Variants in NLRP8 observed in about 807,000 individuals in gnomAD.
NLRP8 encodes the protein NLR family pyrin domain containing 8, also known as NACHT, LRR and PYD domains-containing protein 8.
In NLRP8, 86 loss-of-function variants were observed where a neutral mutation model predicts 88.7. The ratio of observed to expected loss-of-function variants is 0.97; its 90% CI spans 0.81 to 1.16. The LOEUF is 1.16. Ranked by LOEUF, NLRP8 falls within the 50% of genes most tolerant of loss-of-function variation. The pLI, the probability that NLRP8 is intolerant of heterozygous loss-of-function variation, is 0.00. For synonymous variants in NLRP8, 504 were observed against 494.6 expected, an observed-to-expected ratio of 1.02 and a Z score of -0.25; for missense variants, 1,342 against 1,286.5, an observed-to-expected ratio of 1.04 and a Z score of -0.66.
intron 2 of NLRP8, among the ~76,000 whole-genome samples, chr19:55,954,242 C>G (rs943667450): frequency 2.0e-5 from 3 of 152,194 alleles, no homozygotes; most frequent in Admixed American, 6.5e-5. Flanking sequence ...CGCCACTGAA[C>G]CTAATTTCAA....
chr19:55,961,282 G>T (rs774688089), intron 3 of NLRP8, among the ~76,000 whole-genome samples: 21 of 152,160 alleles, frequency 1.4e-4, no homozygotes, highest in South Asian at 2.1e-4. Flanking sequence ...CGATTGTATG[G>T]GGAAGAATGA....
chr19:55,952,497 C>A, intron 1 of NLRP8, 41 bp from the exon 2 acceptor site: 1 of 1,546,250 alleles, frequency 6.5e-7, no homozygotes, highest in Non-Finnish European at 8.9e-7. Flanking sequence ...CTACCAAGAT[C>A]TTATCATTCC....
intron 9 of NLRP8, among the ~76,000 whole-genome samples, chr19:55,980,520 CCA>C (rs1283348947): frequency 1.3e-5 from 2 of 152,158 alleles, no homozygotes; most frequent in African/African-American, 4.8e-5. Context: ...CTCAGTTGAG[CCA>C]CTGGCTGGGG....
chr19:55,961,954 T>A, intron 3 of NLRP8, 113 bp from the exon 4 acceptor site: 1 of 924,064 alleles, frequency 1.1e-6, no homozygotes, highest in Non-Finnish European at 1.6e-6. Context: ...TGTCTTAGAG[T>A]CACTAGAGGC....
intron 3 of NLRP8, among the ~76,000 whole-genome samples, chr19:55,959,379 T>A (rs1474052553): frequency 6.6e-6 from 1 of 151,136 alleles, no homozygotes; most frequent in Non-Finnish European, 1.5e-5. Context: ...GCCTGGCTAA[T>A]TTTTTGTATT....
intron 3 of NLRP8, among the ~76,000 whole-genome samples, chr19:55,957,790 G>A (rs1189479056): frequency 6.8e-6 from 1 of 148,068 alleles, no homozygotes; most frequent in Non-Finnish European, 1.5e-5. Flanking sequence ...TTCATTTAGT[G>A]CTCAGTAGAT....
intron 5 of NLRP8, among the ~76,000 whole-genome samples, chr19:55,969,610 G>A (rs1017241522): frequency 3.3e-5 from 5 of 152,166 alleles, no homozygotes; most frequent in Admixed American, 6.5e-5. Flanking sequence ...CTTTTCCTCT[G>A]TGTAGATGCC....
In NLRP8 at chr19:55,955,740, GT is replaced by G. The variant is rs1390806414; in HGVS notation, c.1686del (p.Leu563Ter). ...TCTCACATGGGACTTTTCTTATTCG[GT>G]TTTCTGAACGAGGCCTGCGCTTCGG... On this transcript the variant is annotated frameshift_variant, in exon 3 of 10. Transcript: ENST00000291971. LOFTEE classifies it high-confidence loss of function. 6.2e-7 allele frequency: 1 copy of G among 1,614,084 alleles called. No individual in the cohort carries two copies. Among genetic ancestry groups the G allele is most frequent in the Non-Finnish European group, 8.5e-7 (1 of 1,179,974 alleles).
chr19:55,956,690 C>T (rs945110163), intron 3 of NLRP8, among the ~76,000 whole-genome samples: 2 of 152,182 alleles, frequency 1.3e-5, no homozygotes, highest in East Asian at 1.9e-4. Flanking sequence ...GGATATAGGA[C>T]TTTCCGTGCT....
rs561945365 is a variant in NLRP8, at chr19:55,970,013, CA to C, written c.2382-528del. 2.6e-5 allele frequency among the ~76,000 whole-genome samples: 4 copies of C among 152,240 alleles called. No homozygotes were observed. The South Asian group carries it at 8.3e-4, about 32-fold the overall frequency. On this transcript the variant is annotated intron_variant, in intron 5 of 9. Transcript: ENST00000291971. ...TGATGATGACTGGCAGATAAATGCA[CA>C]AAGTGTGAGTTAGACAGGAGAAATA... is the stretch of plus-strand genomic sequence containing the variant.
intron 5 of NLRP8, 60 bp downstream of exon 5, chr19:55,966,440 G>A (rs1979847940): frequency 1.3e-6 from 2 of 1,498,220 alleles, no homozygotes; most frequent in South Asian, 1.2e-5. Context: ...CTTTTCAAGG[G>A]CGGTGATGAG....
chr19:55,978,487 A>G (rs1440382828), intron 8 of NLRP8, among the ~76,000 whole-genome samples: 1 of 151,744 alleles, frequency 6.6e-6, no homozygotes. Context: ...TGCTGGGGGG[A>G]TTCTCTGCAG....
chr19:55,979,556 G>T lies in NLRP8; in HGVS notation c.3039G>T (p.Glu1013Asp). 5.0e-6 allele frequency: 8 copies of T among 1,614,162 alleles called. No homozygotes were observed. Among genetic ancestry groups the T allele is most frequent in the Non-Finnish European group, 6.8e-6 (8 of 1,180,012 alleles). The change falls in exon 9 of 10, where the codon GAG becomes GAT. Residue 1013 changes from glutamate (E) to aspartate (D), a missense_variant. Physicochemically the swap from Glu to Asp is conservative, Grantham distance 45. Transcript: ENST00000291971. ...TCTCAAGCCAAAAGAAGAGAGAAGAGGTCATTTTGTAAGTCTCCACCGGGT... is the reference window on the plus strand; with the variant it reads ...TCTCAAGCCAAAAGAAGAGAGAAGATGTCATTTTGTAAGTCTCCACCGGGT...
intron 2 of NLRP8, among the ~76,000 whole-genome samples, chr19:55,953,792 CTTTTTTTT>C (rs35767678): frequency 5.4e-5 from 3 of 55,222 alleles, no homozygotes; most frequent in African/African-American, 7.3e-5. Flanking sequence ...TGTGCCTGGC[CTTTTTTTT>C]TTTTTTTTTT....
chr19:55,957,769 A>G (rs1376924717), intron 3 of NLRP8, among the ~76,000 whole-genome samples: 1 of 148,048 alleles, frequency 6.8e-6, no homozygotes, highest in Non-Finnish European at 1.5e-5. Context: ...CACACTGAAT[A>G]AGTCCAGTCC....
At chr19:55,982,149 G>T (rs181284298) in intron 9 of NLRP8, among the ~76,000 whole-genome samples, 1 of 152,134 alleles carries the variant, frequency 6.6e-6, no homozygotes, top group African/African-American at 2.4e-5. Context: ...TGATTTGCCT[G>T]CCTTGGCCTC....
chr19:55,974,175 G>C (rs868281170), intron 7 of NLRP8, among the ~76,000 whole-genome samples: 1 of 152,208 alleles, frequency 6.6e-6, no homozygotes, highest in African/African-American at 2.4e-5. Context: ...AAACACAAAA[G>C]GTGGCTTGAC....
intron 9 of NLRP8, among the ~76,000 whole-genome samples, chr19:55,985,323 G>GA (rs56149105): frequency 0.25 from 37,843 of 151,284 alleles, 6,553 homozygotes; most frequent in African/African-American, 0.49. Flanking sequence ...AAATGAAAAA[G>GA]AAAAAAAAGA....
chr19:55,963,880 G>A (rs1479149752), intron 4 of NLRP8, among the ~76,000 whole-genome samples: 1 of 152,036 alleles, frequency 6.6e-6, no homozygotes, highest in Admixed American at 6.6e-5. Context: ...GTAAGAGTGA[G>A]CGTGTATGCG....
Sources: gnomAD v4.1 joint callset for allele counts (sites outside exome capture counted in the v4.1 genomes callset) on GRCh38, gnomAD v4.1.1 for gene constraint, MANE v1.5 for transcripts, NCBI Gene and HGNC (gene_info 2026-07-23, HGNC 2026-07-21) for gene names.